ABL1: variants seen among roughly 807,000 people sequenced by gnomAD.
The protein encoded by ABL1 is tyrosine-protein kinase ABL1.
A neutral mutation model predicts 94.7 loss-of-function variants in ABL1; 11 were observed. The ratio of observed to expected loss-of-function variants is 0.12; its 90% CI spans 0.07 to 0.19. ABL1 has a LOEUF of 0.19. ABL1 is among the 10% of genes least tolerant of loss of function. The pLI, the probability that ABL1 is intolerant of heterozygous loss-of-function variation, is 1.00. For missense variants in ABL1, 1,082 were observed against 1,489.4 expected, an observed-to-expected ratio of 0.73 and a Z score of 4.50; for synonymous variants, 656 against 622.4, an observed-to-expected ratio of 1.05 and a Z score of -0.80.
At chr9:130,796,733 A>C (rs1001918243) in intron 1 of ABL1, among the ~76,000 whole-genome samples, 6 of 151,614 alleles carry the variant, frequency 4.0e-5, no homozygotes, top group African/African-American at 1.5e-4. Flanking sequence ...ATAAATAAAT[A>C]AACAAAAAAC....
chr9:130,826,907 T>C (rs1456440654), intron 1 of ABL1, among the ~76,000 whole-genome samples: 7 of 151,872 alleles, frequency 4.6e-5, no homozygotes. Flanking sequence ...TGAAACACCA[T>C]CTCTACTAAA....
At chr9:130,713,047 C>T (rs1309327661) in exon 1 of ABL1, among the ~76,000 whole-genome samples, 1 of 152,200 alleles carries the variant, frequency 6.6e-6, no homozygotes, top group African/African-American at 2.4e-5. Flanking sequence ...GCTCGTAATC[C>T]ATCATGGCGG....
chr9:130,883,506 A>AAC (rs1831502813), intron 10 of ABL1, among the ~76,000 whole-genome samples: 1 of 151,896 alleles, frequency 6.6e-6, no homozygotes, highest in African/African-American at 2.4e-5. Context: ...AAAAAAAAAA[A>AAC]AAAACCACAC....
At position 130,886,260 on chromosome 9, in the gene ABL1, G is replaced by A. The variant is rs140876898; in HGVS notation, c.*577G>A. On this transcript the variant is annotated 3_prime_UTR_variant, in exon 11 of 11. Transcript: ENST00000318560. ...GTCACTCTGCCCTCTGCTGCTGCCC[G>A]GGGTGGGGTGCACTCGCCATTTCCT... 101 of 235,610 alleles carry A rather than the reference G, an allele frequency of 4.3e-4. No homozygotes were observed. The highest frequency in any genetic ancestry group is 1.8e-3 in the African/African-American group (83 of 45,492). The allele number at this position is 235,610 out of a possible 1,614,324, so 14.6% of individuals were successfully genotyped here. A position where few individuals can be genotyped will look rare whatever the true frequency, so the allele number is the denominator to read the frequency against.
chr9:130,746,972 C>T (rs1356303467), intron 1 of ABL1, among the ~76,000 whole-genome samples: 1 of 152,118 alleles, frequency 6.6e-6, no homozygotes, highest in Non-Finnish European at 1.5e-5. Context: ...TACTTCCTGG[C>T]CTCTCTGGCT....
rs938946548 is a variant in ABL1, at chr9:130,885,896, G to A, written c.*213G>A. On this transcript the variant is annotated 3_prime_UTR_variant, in exon 11 of 11. Coordinates refer to ENST00000318560, the MANE Select transcript of ABL1 (RefSeq NM_005157.6). ...CCCGCACCTTCCTCCTCCCCGCTCC[G>A]TCTCTGTCCTCGAATTTTATCTGTG... is the stretch of plus-strand genomic sequence containing the variant. 1.3e-4 allele frequency: 79 copies of A among 622,102 alleles called. No individual in the cohort carries two copies. The highest frequency in any genetic ancestry group is 1.8e-4 in the Non-Finnish European group (66 of 370,688). 38.5% of individuals were successfully genotyped at this position (622,102 alleles called of 1,614,324 possible).
chr9:130,831,172 C>G (rs562908772), upstream of ABL1, among the ~76,000 whole-genome samples: 53 of 152,292 alleles, frequency 3.5e-4, no homozygotes, highest in African/African-American at 1.3e-3. Context: ...GCTGTTCCCC[C>G]CCTAAAGCTA....
chr9:130,862,774 C>T lies in ABL1; in HGVS notation c.561C>T (p.Ser187=), dbSNP rs779645963. The change falls in exon 4 of 11, where the codon TCC becomes TCT. Residue 187 remains serine (S), a synonymous_variant. Coordinates refer to ENST00000318560, the MANE Select transcript of ABL1 (RefSeq NM_005157.6). The surrounding 1 kb of genome is among the most constrained non-coding windows in gnomAD (Gnocchi z 5.5). ...CCTGTTTCCTTCAGCTCTACGTCTC[C>T]TCCGAGAGCCGCTTCAACACCCTGG... is the stretch of plus-strand genomic sequence containing the variant. The part of the protein sequence containing the change: ...NTASDGKLYV[S]SESRFNTLAE... 6.8e-6 allele frequency: 11 copies of T among 1,613,838 alleles called. No individual in the cohort carries two copies. In the African/African-American group the frequency reaches 1.3e-4, roughly 20 times the overall value.
At chr9:130,744,861 A>AG (rs1004016995) in intron 1 of ABL1, among the ~76,000 whole-genome samples, 5 of 151,158 alleles carry the variant, frequency 3.3e-5, no homozygotes, top group Non-Finnish European at 5.9e-5. Context: ...CGTCTCAAAA[A>AG]AAAAAAAAAA....
At chr9:130,745,137 G>T (rs1448845684) in intron 1 of ABL1, among the ~76,000 whole-genome samples, 2 of 151,000 alleles carry the variant, frequency 1.3e-5, no homozygotes, top group Non-Finnish European at 3.0e-5. Context: ...CAGGCTGGAG[G>T]GCAATGGTGT....
At chr9:130,819,587 G>A (rs1419484902) in intron 1 of ABL1, among the ~76,000 whole-genome samples, 12 of 135,974 alleles carry the variant, frequency 8.8e-5, no homozygotes, top group Non-Finnish European at 1.2e-4. Context: ...CACCCAGGCC[G>A]GAGTGCAGTG....
chr9:130,828,088 T>C (rs1317407684), intron 1 of ABL1, among the ~76,000 whole-genome samples: 1 of 151,962 alleles, frequency 6.6e-6, no homozygotes, highest in East Asian at 1.9e-4. Flanking sequence ...TTCTTTTATT[T>C]ATTTATTTAT....
At chr9:130,881,311 T>C (rs1831448832) in intron 10 of ABL1, among the ~76,000 whole-genome samples, 1 of 152,218 alleles carries the variant, frequency 6.6e-6, no homozygotes, top group Non-Finnish European at 1.5e-5. Context: ...GCAGACCAGC[T>C]GAACAAAAGC....
intron 1 of ABL1, among the ~76,000 whole-genome samples, chr9:130,823,385 G>A (rs146270014): frequency 2.0e-5 from 3 of 152,262 alleles, no homozygotes; most frequent in Non-Finnish European, 4.4e-5. Context: ...TTAGGTTAAT[G>A]CGAGTTAGAA....
At position 130,885,196 on chromosome 9, in the gene ABL1, C is replaced by T. The variant is rs762958970; in HGVS notation, c.2906C>T (p.Ala969Val). The T allele has an allele frequency of 6.2e-7, 1 of 1,613,548 alleles. No individual in the cohort carries two copies. Among genetic ancestry groups the T allele is most frequent in the Admixed American group, 1.7e-5 (1 of 60,028 alleles). Reference sequence around the variant, plus strand: ...CCGGCCACTCCAAAGCCACAGTCCGCCAAGCCGTCGGGGACCCCCATCAGC... The same window carrying T: ...CCGGCCACTCCAAAGCCACAGTCCGTCAAGCCGTCGGGGACCCCCATCAGC... ...VLPATPKPQS[A>V]KPSGTPISPA... Residue 969 changes from alanine (A) to valine (V), a missense_variant, in exon 11 of 11, where the codon GCC becomes GTC. Transcript: ENST00000318560.
At chr9:130,742,647 A>C (rs973622751) in intron 1 of ABL1, among the ~76,000 whole-genome samples, 1 of 152,190 alleles carries the variant, frequency 6.6e-6, no homozygotes, top group African/African-American at 2.4e-5. Context: ...GTGCAAATCT[A>C]AGTTTGGGGT....
intron 3 of ABL1, among the ~76,000 whole-genome samples, chr9:130,858,180 G>T (rs1831005817): frequency 6.6e-6 from 1 of 151,604 alleles, no homozygotes; most frequent in African/African-American, 2.4e-5. Flanking sequence ...ATGCAGGCAG[G>T]CATGATCTAG....
At chr9:130,823,995 G>A (rs1830396316) in intron 1 of ABL1, among the ~76,000 whole-genome samples, 1 of 152,168 alleles carries the variant, frequency 6.6e-6, no homozygotes. Context: ...CAGAACATTT[G>A]TCATGTGAAA....
intron 1 of ABL1, among the ~76,000 whole-genome samples, chr9:130,829,667 G>A (rs1393220256): frequency 2.0e-5 from 3 of 152,028 alleles, no homozygotes; most frequent in African/African-American, 4.8e-5. Context: ...AGTATTTGAG[G>A]GAAAATGGTG....
Sources: allele counts gnomAD v4.1 joint callset (sites outside exome capture counted in the v4.1 genomes callset), GRCh38; gene constraint gnomAD v4.1.1; non-coding constraint Gnocchi (gnomAD v3.1); transcripts MANE v1.5; gene names NCBI Gene and HGNC (gene_info 2026-07-23, HGNC 2026-07-21).